The following DZANK1 variants were observed in gnomAD, a reference collection of about 807,000 sequenced individuals.
DZANK1 encodes double zinc ribbon and ankyrin repeat-containing protein 1.
Under a neutral mutation model 94.5 loss-of-function variants are expected in DZANK1, and 91 were observed. That is an observed-to-expected ratio of 0.96 (90% CI 0.81 to 1.15). DZANK1 has a LOEUF of 1.15. DZANK1 is among the 50% of genes most tolerant of loss of function. DZANK1 has a pLI of 0.00. For missense variants in DZANK1, 903 were observed against 916.4 expected (o/e 0.99, Z 0.19); for synonymous variants, 312 against 325.3 (o/e 0.96, Z 0.44).
rs879888682 is a variant in DZANK1 at position 18,440,065 on chromosome 20, A to C, written c.747+3282T>G. Among the ~76,000 whole-genome samples the C allele has an allele frequency of 7.2e-5, 11 of 152,316 alleles. No homozygotes were observed. In the East Asian group the frequency reaches 2.1e-3, roughly 29 times the overall value. On this transcript the variant is annotated intron_variant, in intron 8 of 20. Transcript: ENST00000262547. ...ACACCAGGGTTGTGTACCCAGAGGA[A>C]AGGCCAAGTAAGGACACATCAGGAA...
intron 17 of DZANK1, among the ~76,000 whole-genome samples, chr20:18,393,217 C>G (rs2056118986): frequency 6.6e-6 from 1 of 152,152 alleles, no homozygotes; most frequent in Admixed American, 6.5e-5. Context: ...CACCAACACC[C>G]TCACCACCAG....
At chr20:18,440,278 A>G (rs920568709) in intron 8 of DZANK1, among the ~76,000 whole-genome samples, 1 of 152,232 alleles carries the variant, frequency 6.6e-6, no homozygotes, top group Admixed American at 6.5e-5. Context: ...TGCTATCCCA[A>G]TCTCATTAAA....
intron 7 of DZANK1, 96 bp downstream of exon 7, chr20:18,448,888 T>C (rs1022207776): frequency 1.2e-6 from 1 of 861,434 alleles, no homozygotes; most frequent in Non-Finnish European, 1.7e-6. Context: ...AAAAAAAAAG[T>C]TGGAGGTGGG....
chr20:18,443,204 G>A (rs886375563), intron 8 of DZANK1, 143 bp downstream of exon 8: 2 of 645,752 alleles, frequency 3.1e-6, no homozygotes, highest in African/African-American at 3.8e-5. Flanking sequence ...TGCTTAAGTA[G>A]GAGTGTGTAA....
At chr20:18,449,018 T>C in exon 7 of DZANK1, 1 of 1,613,916 alleles carries the variant, frequency 6.2e-7, no homozygotes, top group Non-Finnish European at 8.5e-7. Flanking sequence ...ATTCTCATTA[T>C]CTCCGTGCTT....
At chr20:18,462,224 T>C (rs1173723343) in intron 2 of DZANK1, among the ~76,000 whole-genome samples, 1 of 152,074 alleles carries the variant, frequency 6.6e-6, no homozygotes, top group African/African-American at 2.4e-5. Context: ...GCATATCCCC[T>C]GTACCTAGAA....
rs545537600 is a variant in DZANK1, at chr20:18,423,014, C to T, written c.954+4053G>A. Among the ~76,000 whole-genome samples the T allele has an allele frequency of 5.3e-5, 8 of 152,146 alleles. No homozygotes were observed. In the East Asian group the frequency reaches 1.3e-3, roughly 26 times the overall value. ...CATGGGATATCTTTCCATTTATAGT[C>T]ATGCACGACATAATGATATTTTGGT... On this transcript the variant is annotated intron_variant, in intron 10 of 20. Coordinates refer to ENST00000262547, the Ensembl canonical transcript of DZANK1.
At chr20:18,457,927 C>A (rs967120773) in intron 3 of DZANK1, among the ~76,000 whole-genome samples, 1 of 152,158 alleles carries the variant, frequency 6.6e-6, no homozygotes, top group African/African-American at 2.4e-5. Context: ...CCACGCTTGG[C>A]GAATTTATTT....
At chr20:18,404,013 T>C (rs1204316972) in intron 13 of DZANK1, among the ~76,000 whole-genome samples, 1 of 152,098 alleles carries the variant, frequency 6.6e-6, no homozygotes, top group East Asian at 1.9e-4. Flanking sequence ...TTGGCGAGGC[T>C]GGTCTCAAAC....
chr20:18,394,291 C>G, exon 16 of DZANK1: 1 of 1,613,792 alleles, frequency 6.2e-7, no homozygotes, highest in Non-Finnish European at 8.5e-7. Context: ...CCCCATCACC[C>G]TCGGCAGCAC....
intron 1 of DZANK1, among the ~76,000 whole-genome samples, chr20:18,466,236 A>C (rs1401065860): frequency 2.6e-5 from 4 of 152,158 alleles, no homozygotes; most frequent in Admixed American, 1.3e-4. Flanking sequence ...TTCCATTTTT[A>C]TAGTCTACTT....
At chr20:18,389,632 T>C in intron 19 of DZANK1, 69 bp downstream of exon 19, 2 of 1,593,256 alleles carry the variant, frequency 1.3e-6, no homozygotes, top group Non-Finnish European at 1.7e-6. Context: ...AGACCGCTTC[T>C]GCTGCAGTGG....
At chr20:18,449,400 T>C (rs1482331102) in intron 6 of DZANK1, among the ~76,000 whole-genome samples, 3 of 152,090 alleles carry the variant, frequency 2.0e-5, no homozygotes, top group Non-Finnish European at 4.4e-5. Context: ...TTATGAGTAA[T>C]GTAATTATTA....
chr20:18,384,969 G>A, intron 20 of DZANK1, 47 bp downstream of exon 20: 1 of 1,507,940 alleles, frequency 6.6e-7, no homozygotes, highest in Non-Finnish European at 9.0e-7. Context: ...CCATTAGGGA[G>A]ATCCCTGTGG....
At chr20:18,461,310 T>C (rs926609470) in intron 2 of DZANK1, among the ~76,000 whole-genome samples, 3 of 152,336 alleles carry the variant, frequency 2.0e-5, no homozygotes, top group Non-Finnish European at 1.5e-5. Context: ...ATGTCTTATA[T>C]TGGTACATAA....
rs781173651 is a variant in DZANK1 at position 18,412,780 on chromosome 20, G to C, written c.1298C>G (p.Thr433Arg). ...TGGGTAGAAGAGGCCAACAGTCTGT[G>C]TTCCTATGTCCCTCTTAGTCCCAAC... The change falls in exon 13 of 21, where the codon ACA becomes AGA. Residue 433 changes from threonine to arginine, a missense_variant. By Grantham distance (71) the Thr-to-Arg change is moderately conservative. Coordinates refer to ENST00000262547, the Ensembl canonical transcript of DZANK1. 8 of 1,613,938 alleles carry C rather than the reference G, an allele frequency of 5.0e-6. No homozygotes were observed. In the East Asian group the frequency reaches 1.8e-4, roughly 36 times the overall value.
intron 3 of DZANK1, among the ~76,000 whole-genome samples, chr20:18,457,847 A>G (rs888797096): frequency 5.3e-5 from 8 of 152,154 alleles, no homozygotes; most frequent in African/African-American, 1.4e-4. Context: ...GCTAAAAATC[A>G]TGGGCCCTAT....
exon 4 of DZANK1, chr20:18,455,312 C>G (rs765014049): frequency 6.2e-7 from 1 of 1,609,528 alleles, no homozygotes; most frequent in Non-Finnish European, 8.5e-7. Context: ...TTTGGTGGTT[C>G]ATAGTCTACG....
intron 13 of DZANK1, among the ~76,000 whole-genome samples, chr20:18,409,582 AC>A (rs373859001): frequency 2.7e-4 from 39 of 144,438 alleles, no homozygotes; most frequent in South Asian, 9.0e-4. Flanking sequence ...ACACACACAC[AC>A]CACCACCACC....
Sources: allele counts gnomAD v4.1 joint callset (sites outside exome capture counted in the v4.1 genomes callset), GRCh38; gene constraint gnomAD v4.1.1; transcripts MANE v1.5; gene names NCBI Gene and HGNC (gene_info 2026-07-23, HGNC 2026-07-21).